The following FPGT variants were observed in gnomAD, a reference collection of about 807,000 sequenced individuals.
FPGT encodes the protein fucose-1-phosphate guanylyltransferase.
In FPGT, 41 loss-of-function variants were observed where a neutral mutation model predicts 45.8. That is an observed-to-expected ratio of 0.90 (90% CI 0.70 to 1.16). The LOEUF (loss-of-function observed/expected upper bound fraction) is 1.16, where lower values mean the gene tolerates loss of function less well. Among genes scored for constraint, FPGT ranks in the 50% most tolerant of loss-of-function variants. The pLI, the probability that FPGT is intolerant of heterozygous loss-of-function variation, is 0.00. For synonymous variants in FPGT, 292 were observed against 247.2 expected (o/e 1.18, Z -1.70); for missense variants, 755 against 689.1 (o/e 1.10, Z -1.07).
intron 3 of FPGT, among the ~76,000 whole-genome samples, chr1:74,202,299 A>C (rs926720582): frequency 6.6e-6 from 1 of 152,216 alleles, no homozygotes; most frequent in Non-Finnish European, 1.5e-5. Context: ...ATTCATCTAC[A>C]TGGCTTCCAA....
At position 74,207,383 on chromosome 1, in the gene FPGT, C is replaced by T. The variant is rs1652362079; in HGVS notation, c.*1551C>T. ...ATTTCTACAGCTTCACATTCAAACT[C>T]TTCAGCACTTTCAGAGCTATTGATA... On this transcript the variant is annotated 3_prime_UTR_variant, in exon 4 of 4. Transcript: ENST00000370898. 1 of 152,126 alleles carries T rather than the reference C, an allele frequency of 6.6e-6. No homozygotes were observed. The allele number at this position is 152,126 out of a possible 1,614,324, so 9.4% of individuals were successfully genotyped here.
chr1:74,199,645 C>T lies in FPGT; in HGVS notation c.83-19C>T. On this transcript the variant is annotated intron_variant, in intron 1 of 3. Transcript: ENST00000370898. ...ATTCTGATAATTTTTGTTTTCATTTCCTTGCTTTTTCCAAATAGGCAAACT... is the reference window on the plus strand; with the variant it reads ...ATTCTGATAATTTTTGTTTTCATTTTCTTGCTTTTTCCAAATAGGCAAACT... 6.3e-7 allele frequency: 1 copy of T among 1,599,612 alleles called. No individual in the cohort carries two copies. Among genetic ancestry groups the T allele is most frequent in the African/African-American group, 1.4e-5 (1 of 74,018 alleles).
At position 74,206,739 on chromosome 1, in the gene FPGT, C is replaced by G. The variant is rs1175721308; in HGVS notation, c.*907C>G. On this transcript the variant is annotated 3_prime_UTR_variant, in exon 4 of 4. Coordinates refer to ENST00000370898, the MANE Select transcript of FPGT (RefSeq NM_003838.5). Reference sequence around the variant, plus strand: ...TGGCCCAAATGCAGACATCAAGAAGCAGGCAGGAAAATGGAAAAACTGAGA... The same window carrying G: ...TGGCCCAAATGCAGACATCAAGAAGGAGGCAGGAAAATGGAAAAACTGAGA... 1 of 151,930 alleles carries G rather than the reference C, an allele frequency of 6.6e-6. No individual in the cohort carries two copies. The highest frequency in any genetic ancestry group is 2.4e-5 in the African/African-American group (1 of 41,392). The allele number at this position is 151,930 out of a possible 1,614,324, so 9.4% of individuals were successfully genotyped here.
chr1:74,205,223 A>T lies in FPGT; in HGVS notation c.1176A>T (p.Ile392=). The T allele has an allele frequency of 6.2e-7, 1 of 1,613,944 alleles. No individual in the cohort carries two copies. The change falls in exon 4 of 4, where the codon ATA becomes ATT. Residue 392 remains isoleucine (I), a synonymous_variant. Coordinates refer to ENST00000370898, the MANE Select transcript of FPGT (RefSeq NM_003838.5). ...QSITFSIFPD[I]PECSGKTSCI... is the part of the protein sequence containing the mutation. ...TAACTTTTAGTATCTTTCCAGATATACCAGAATGCTCTGGCAAAACATCCT... is the reference window on the plus strand; with the variant it reads ...TAACTTTTAGTATCTTTCCAGATATTCCAGAATGCTCTGGCAAAACATCCT...
At chr1:74,201,218 G>A (rs992120686) in intron 2 of FPGT, 100 bp from the exon 3 acceptor site, 4 of 894,402 alleles carry the variant, frequency 4.5e-6, no homozygotes, top group African/African-American at 3.5e-5. Flanking sequence ...TTCCTGAAAG[G>A]CAAATCCTTA....
intron 1 of FPGT, among the ~76,000 whole-genome samples, chr1:74,198,776 T>G (rs1553178393): frequency 6.6e-6 from 1 of 152,032 alleles, no homozygotes; most frequent in Non-Finnish European, 1.5e-5. Flanking sequence ...TGTAACCGTT[T>G]GTTGAGGGAG....
At chr1:74,203,057 A>G (rs1163374821) in intron 3 of FPGT, among the ~76,000 whole-genome samples, 2 of 152,168 alleles carry the variant, frequency 1.3e-5, no homozygotes, top group Non-Finnish European at 2.9e-5. Context: ...TAAAATAACA[A>G]TGAAAAGTAT....
In FPGT at chr1:74,201,353, T is replaced by C; in HGVS notation, c.286T>C (p.Leu96=). ...GGSTLCALQC[L]EKLYGDKWNS... is the part of the protein sequence containing the mutation. The stretch of plus-strand genomic sequence containing the variant: ...ATCAACACTTTGTGCCCTTCAATGT[T>C]TGGAAAAGCTATATGGAGATAAATG... Residue 96 remains leucine (L), a synonymous_variant, in exon 3 of 4, where the codon TTG becomes CTG. Coordinates refer to ENST00000370898, the MANE Select transcript of FPGT (RefSeq NM_003838.5). The C allele has an allele frequency of 6.2e-7, 1 of 1,612,380 alleles. No individual in the cohort carries two copies. Among genetic ancestry groups the C allele is most frequent in the Non-Finnish European group, 8.5e-7 (1 of 1,179,418 alleles).
Position 74,199,795 on chromosome 1 carries a change from T to C in FPGT, c.214T>C (p.Tyr72His), listed in dbSNP as rs146451796. The C allele has an allele frequency of 3.5e-5, 57 of 1,614,030 alleles. No homozygotes were observed. Among genetic ancestry groups the C allele is most frequent in the Non-Finnish European group, 4.5e-5 (53 of 1,180,024 alleles). The part of the protein sequence containing the change: ...KRKELPLGVQ[Y>H]HVFVDPAGAK... ...AAAGGAGTTACCCCTTGGAGTTCAA[T>C]ATCACGTTTTTGTGGATCCTGCTGG... Residue 72 changes from tyrosine (Y) to histidine (H), a missense_variant, in exon 2 of 4, where the codon TAT becomes CAT. Coordinates refer to ENST00000370898, the MANE Select transcript of FPGT (RefSeq NM_003838.5).
intron 2 of FPGT, among the ~76,000 whole-genome samples, chr1:74,200,497 CTTTTTTTTTTT>C (rs202228945): frequency 9.4e-6 from 1 of 106,566 alleles, no homozygotes; most frequent in African/African-American, 4.3e-5. Context: ...GTTATTATTT[CTTTTTTTTTTT>C]TTTTTTTTTT....
chr1:74,200,497 C>CT lies in FPGT; in HGVS notation c.250+691dup, dbSNP rs202228945. ...TATGAGGTCAGTACTGTTATTATTT[C>CT]TTTTTTTTTTTTTTTTTTTTTTTTT... On this transcript the variant is annotated intron_variant, in intron 2 of 3. Transcript: ENST00000370898. Among the ~76,000 whole-genome samples the CT allele has an allele frequency of 6.6e-3, 701 of 106,324 alleles. 7 individuals carry two copies. The highest frequency in any genetic ancestry group is 0.018 in the African/African-American group (429 of 23,392). 69.8% of individuals were successfully genotyped at this position (106,324 alleles called of 152,430 possible).
Position 74,206,189 on chromosome 1 carries a change from C to A in FPGT, c.*357C>A. 5.9e-6 allele frequency: 1 copy of A among 170,026 alleles called. No individual in the cohort carries two copies. Among genetic ancestry groups the A allele is most frequent in the Non-Finnish European group, 1.2e-5 (1 of 80,530 alleles). The allele number at this position is 170,026 out of a possible 1,614,324, so 10.5% of individuals were successfully genotyped here. ...GGTCCAGTGAAGTTCTAAGTATTCA[C>A]TGGCACTTCTCTCCTCAACTGTAAT... is the stretch of plus-strand genomic sequence containing the variant. On this transcript the variant is annotated 3_prime_UTR_variant, in exon 4 of 4. Coordinates refer to ENST00000370898, the MANE Select transcript of FPGT (RefSeq NM_003838.5).
At position 74,199,681 on chromosome 1, in the gene FPGT, G is replaced by T; in HGVS notation, c.100G>T (p.Gly34Ter). The T allele has an allele frequency of 6.2e-7, 1 of 1,612,418 alleles. No individual in the cohort carries two copies. The highest frequency in any genetic ancestry group is 8.5e-7 in the Non-Finnish European group (1 of 1,179,482). Residue 34 changes from glycine (G) to a stop codon, truncating the protein, a stop_gained, in exon 2 of 4, where the codon GGA becomes TGA. Coordinates refer to ENST00000370898, the MANE Select transcript of FPGT (RefSeq NM_003838.5). LOFTEE classifies it high-confidence loss of function. The part of the protein sequence containing the change: ...SELRGKLVAR[G>*]EFWDIVAITA... ...CCAAATAGGCAAACTTGTAGCACGT[G>T]GAGAATTCTGGGACATAGTTGCAAT... is the stretch of plus-strand genomic sequence containing the variant.
chr1:74,201,208 T>G (rs1651758593), intron 2 of FPGT, 110 bp from the exon 3 acceptor site: 1 of 784,906 alleles, frequency 1.3e-6, no homozygotes. Flanking sequence ...TATTTACTTA[T>G]TCCTGAAAGG....
Position 74,204,696 on chromosome 1 carries a change from A to G in FPGT, c.649A>G (p.Arg217Gly). 1.2e-6 allele frequency: 2 copies of G among 1,613,024 alleles called. No homozygotes were observed. The highest frequency in any genetic ancestry group is 2.2e-5 in the South Asian group (2 of 91,054). Reference sequence around the variant, plus strand: ...AGATCCTTTTGATGATTTAAAACATAGAGACCTTGAATACAGGTCTTGCCA... The same window carrying G: ...AGATCCTTTTGATGATTTAAAACATGGAGACCTTGAATACAGGTCTTGCCA... ...VLDPFDDLKHRDLEYRSCHRF... is the reference protein window; with the variant it reads ...VLDPFDDLKHGDLEYRSCHRF... The change falls in exon 4 of 4, where the codon AGA becomes GGA. Residue 217 changes from arginine to glycine, a missense_variant. By Grantham distance (125) the Arg-to-Gly change is moderately radical. Coordinates refer to ENST00000370898, the MANE Select transcript of FPGT (RefSeq NM_003838.5).
rs1482951950 is a variant in FPGT, at chr1:74,208,080, C to T, written c.*2248C>T. Reference sequence around the variant, plus strand: ...ACCAAGTTCACATGTGAGCAAGTAACAACTCCATGACTATTGCTGCCTGGC... The same window carrying T: ...ACCAAGTTCACATGTGAGCAAGTAATAACTCCATGACTATTGCTGCCTGGC... On this transcript the variant is annotated 3_prime_UTR_variant, in exon 4 of 4. Transcript: ENST00000370898. Among the ~76,000 whole-genome samples, 3 of 152,016 alleles carry T rather than the reference C, an allele frequency of 2.0e-5. No homozygotes were observed. The highest frequency in any genetic ancestry group is 2.0e-4 in the Admixed American group (3 of 15,250).
At chr1:74,198,919 A>T (rs985830656) in intron 1 of FPGT, among the ~76,000 whole-genome samples, 1 of 152,240 alleles carries the variant, frequency 6.6e-6, no homozygotes, top group Non-Finnish European at 1.5e-5. Context: ...GTGACTGCTT[A>T]AAAAATACTG....
chr1:74,202,012 G>A lies in FPGT; in HGVS notation c.343+602G>A, dbSNP rs573112583. On this transcript the variant is annotated intron_variant, in intron 3 of 3. Transcript: ENST00000370898. ...TTTGTGTGATTATTGATAGCCAGAG[G>A]CCACAATGCTTAAAAATAAAAGGAA... Among the ~76,000 whole-genome samples the A allele has an allele frequency of 1.5e-4, 23 of 152,176 alleles. No individual in the cohort carries two copies. The East Asian group carries it at 3.7e-3, about 24-fold the overall frequency.
intron 3 of FPGT, 71 bp downstream of exon 3, chr1:74,201,481 C>G (rs1651794667): frequency 1.0e-6 from 1 of 964,144 alleles, no homozygotes; most frequent in Admixed American, 2.9e-5. Flanking sequence ...AGACTTTTTT[C>G]TTTCTTGCAA....
Sources: gnomAD v4.1 joint callset for allele counts (sites outside exome capture counted in the v4.1 genomes callset) on GRCh38, gnomAD v4.1.1 for gene constraint, MANE v1.5 for transcripts, NCBI Gene and HGNC (gene_info 2026-07-23, HGNC 2026-07-21) for gene names.